The following CCNB2 variants were observed in gnomAD, a reference collection of about 807,000 sequenced individuals.
The protein encoded by CCNB2 is cyclin B2, also known as G2/mitotic-specific cyclin-B2.
In CCNB2, 39 loss-of-function variants were observed where a neutral mutation model predicts 51.1. The observed-to-expected ratio is 0.76, with a 90% CI of 0.59 to 1.00. The LOEUF (loss-of-function observed/expected upper bound fraction) is 1.00. CCNB2 is among the 50% of genes least tolerant of loss of function. The probability of loss-of-function intolerance (pLI) is 0.00; values close to 1 mark genes in which losing one functional copy is unlikely to be tolerated. For synonymous variants in CCNB2, 174 were observed against 165.5 expected (o/e 1.05, Z -0.40); for missense variants, 472 against 470.3 (o/e 1.00, Z -0.03).
At position 59,114,699 on chromosome 15, in the gene CCNB2, C is replaced by A. The variant is rs1484271823; in HGVS notation, c.439-19C>A. ...AAGCAAACAAGGTCAGCTTTTTAAA[C>A]TTTTGATTCTACCCACAGGTTTTGC... On this transcript the variant is annotated intron_variant, in intron 4 of 8. Coordinates refer to ENST00000288207, the MANE Select transcript of CCNB2 (RefSeq NM_004701.4). The A allele has an allele frequency of 4.4e-6, 7 of 1,594,966 alleles. No homozygotes were observed. In the Admixed American group the frequency reaches 1.2e-4, roughly 27 times the overall value.
chr15:59,108,545 T>TCCAGGGACA (rs111652763), intron 3 of CCNB2, among the ~76,000 whole-genome samples: 4 of 151,566 alleles, frequency 2.6e-5, no homozygotes, highest in Non-Finnish European at 4.4e-5. Context: ...CAGAATGTCT[T>TCCAGGGACA]TCATCTTGTA....
At chr15:59,107,749 G>C in intron 3 of CCNB2, 79 bp downstream of exon 3, 1 of 1,022,836 alleles carries the variant, frequency 9.8e-7, no homozygotes, top group Non-Finnish European at 1.5e-6. Context: ...CTTTATCATT[G>C]CTGTACCTTC....
intron 7 of CCNB2, among the ~76,000 whole-genome samples, chr15:59,120,459 T>C (rs1482526271): frequency 2.0e-5 from 3 of 151,458 alleles, no homozygotes; most frequent in East Asian, 1.9e-4. Flanking sequence ...CACAATAAAA[T>C]AGGAAGGAAG....
rs572149578 is a variant in CCNB2, at chr15:59,122,451, C to A, written c.976-1066C>A. Among the ~76,000 whole-genome samples the A allele has an allele frequency of 1.6e-3, 245 of 151,410 alleles. 1 individual carries two copies. Among genetic ancestry groups the A allele is most frequent in the Non-Finnish European group, 1.9e-3 (127 of 67,896 alleles). ...TGTTGGTCAGGCTGGTCTCGAACTC[C>A]TGACCTCAGGTGATCCGCCCACCTC... On this transcript the variant is annotated intron_variant, in intron 7 of 8. Coordinates refer to ENST00000288207, the MANE Select transcript of CCNB2 (RefSeq NM_004701.4).
chr15:59,119,296 ATAAAAAAT>A (rs1223713324), intron 7 of CCNB2, among the ~76,000 whole-genome samples: 1 of 151,734 alleles, frequency 6.6e-6, no homozygotes, highest in East Asian at 1.9e-4. Context: ...CCCCATCTCT[ATAAAAAAT>A]TAAAAAATTA....
intron 7 of CCNB2, among the ~76,000 whole-genome samples, chr15:59,119,705 AT>A (rs1263580359): frequency 6.6e-6 from 1 of 152,102 alleles, no homozygotes; most frequent in East Asian, 1.9e-4. Context: ...GTTTTAAATT[AT>A]TAATTCATTA....
chr15:59,105,844 A>G (rs1296384508), intron 1 of CCNB2, among the ~76,000 whole-genome samples: 1 of 152,196 alleles, frequency 6.6e-6, no homozygotes, highest in Non-Finnish European at 1.5e-5. Context: ...TAAGTCTTCC[A>G]TGCTACGTTC....
chr15:59,106,475 T>G (rs975022742), intron 1 of CCNB2, among the ~76,000 whole-genome samples: 39 of 152,326 alleles, frequency 2.6e-4, no homozygotes, highest in African/African-American at 9.1e-4. Flanking sequence ...GTCGGGACCC[T>G]GAACTCTCAG....
In CCNB2 at chr15:59,124,777, A is replaced by G. The variant is rs1383670267; in HGVS notation, c.1097A>G (p.Asn366Ser). 2.5e-6 allele frequency: 4 copies of G among 1,613,756 alleles called. No individual in the cohort carries two copies. The highest frequency in any genetic ancestry group is 3.4e-6 in the Non-Finnish European group (4 of 1,179,688). The change falls in exon 9 of 9, where the codon AAT becomes AGT. Residue 366 changes from asparagine (N) to serine (S), a missense_variant. Asn to Ser is a conservative substitution (Grantham distance 46, BLOSUM62 1). Transcript: ENST00000288207. ...ENLTKFIAIK[N>S]KYASSKLLKI... ...AAATGACTTCTGCAGGCCATCAAGA[A>G]TAAGTATGCAAGCAGCAAACTCCTG...
At chr15:59,113,483 G>A (rs2079266275) in intron 3 of CCNB2, among the ~76,000 whole-genome samples, 1 of 151,990 alleles carries the variant, frequency 6.6e-6, no homozygotes, top group Non-Finnish European at 1.5e-5. Context: ...TTCTGGCAGA[G>A]GTAGACAGAA....
intron 7 of CCNB2, among the ~76,000 whole-genome samples, chr15:59,117,826 G>C (rs563955818): frequency 5.9e-5 from 9 of 152,268 alleles, no homozygotes; most frequent in African/African-American, 1.9e-4. Context: ...GAGGGGCATG[G>C]GGGCTTGTGC....
chr15:59,108,878 G>A (rs1295618055), intron 3 of CCNB2, among the ~76,000 whole-genome samples: 1 of 152,142 alleles, frequency 6.6e-6, no homozygotes, highest in African/African-American at 2.4e-5. Flanking sequence ...GTTGAGATGG[G>A]ACTTCATTTA....
At chr15:59,124,395 T>C in intron 8 of CCNB2, 1 of 243,536 alleles carries the variant, frequency 4.1e-6, no homozygotes, top group Non-Finnish European at 8.1e-6. Context: ...TATTGTCTTT[T>C]ATTGTCTTTT....
chr15:59,109,698 A>G (rs1353095346), intron 3 of CCNB2, among the ~76,000 whole-genome samples: 3 of 152,350 alleles, frequency 2.0e-5, no homozygotes, highest in African/African-American at 7.2e-5. Context: ...TTAAAACGTC[A>G]AACTTTGGCC....
intron 3 of CCNB2, among the ~76,000 whole-genome samples, chr15:59,110,661 C>T (rs1309456245): frequency 6.6e-6 from 1 of 152,200 alleles, no homozygotes; most frequent in Admixed American, 6.5e-5. Flanking sequence ...AGTCTTCTAA[C>T]CAAATTTATA....
rs184106451 is a variant in CCNB2, at chr15:59,115,793, C to T, written c.598-897C>T. 1.5e-4 allele frequency: 23 copies of T among 152,220 alleles called. No individual in the cohort carries two copies. The East Asian group carries it at 3.9e-3, about 26-fold the overall frequency. The allele number at this position is 152,220 out of a possible 1,614,324, so 9.4% of individuals were successfully genotyped here. A position where few individuals can be genotyped will look rare whatever the true frequency, so the allele number is the denominator to read the frequency against. On this transcript the variant is annotated intron_variant, in intron 5 of 8. Transcript: ENST00000288207. Reference sequence around the variant, plus strand: ...TTGCCCACGCTGGAGTGCAGTGACACAATCTGGGCTCACTGTAGCCTCAAT... The same window carrying T: ...TTGCCCACGCTGGAGTGCAGTGACATAATCTGGGCTCACTGTAGCCTCAAT...
At chr15:59,122,525 TTTTTTTTTTTTCTTTTTTTTTC>T (rs369466213) in intron 7 of CCNB2, among the ~76,000 whole-genome samples, 154 of 136,114 alleles carry the variant, frequency 1.1e-3, no homozygotes, top group African/African-American at 4.1e-3. Context: ...GCGCCTGGCC[TTTTTTTTTTTTCTTTTTTTTTC>T]TTTTTTTTTT....
At chr15:59,120,212 A>G (rs2079296483) in intron 7 of CCNB2, among the ~76,000 whole-genome samples, 1 of 152,188 alleles carries the variant, frequency 6.6e-6, no homozygotes, top group African/African-American at 2.4e-5. Context: ...TCTACTGGCA[A>G]CTAGGGCTGT....
At chr15:59,118,522 A>G (rs189911793) in intron 7 of CCNB2, among the ~76,000 whole-genome samples, 5 of 152,318 alleles carry the variant, frequency 3.3e-5, no homozygotes, top group South Asian at 2.1e-4. Context: ...CGTCTCTACT[A>G]AAAATACAAA....
Sources: gnomAD v4.1 joint callset for allele counts (sites outside exome capture counted in the v4.1 genomes callset) on GRCh38, gnomAD v4.1.1 for gene constraint, MANE v1.5 for transcripts, NCBI Gene and HGNC (gene_info 2026-07-23, HGNC 2026-07-21) for gene names.